KCNIP3: variants seen among roughly 807,000 people sequenced by gnomAD.
KCNIP3 encodes potassium voltage-gated channel interacting protein 3, also known as calsenilin.
Under a neutral mutation model 35.0 loss-of-function variants are expected in KCNIP3, and 28 were observed. The ratio of observed to expected loss-of-function variants is 0.80; its 90% CI spans 0.59 to 1.10. The LOEUF (loss-of-function observed/expected upper bound fraction) is 1.10. Ranked by LOEUF, KCNIP3 falls within the 50% of genes least tolerant of loss-of-function variation. KCNIP3 has a pLI of 0.00. For synonymous variants in KCNIP3, 134 were observed against 133.8 expected (o/e 1.00, Z -0.01); for missense variants, 295 against 338.4 (o/e 0.87, Z 1.01).
intron 2 of KCNIP3, among the ~76,000 whole-genome samples, chr2:95,369,704 C>T (rs1488544249): frequency 1.2e-4 from 18 of 151,868 alleles, no homozygotes; most frequent in Admixed American, 5.9e-4. Flanking sequence ...GACCATGGCT[C>T]ACTGCAGCGT....
chr2:95,332,337 G>A (rs552668341), intron 2 of KCNIP3, among the ~76,000 whole-genome samples: 5 of 152,362 alleles, frequency 3.3e-5, no homozygotes, highest in South Asian at 2.1e-4. Context: ...AGTCTGGCCC[G>A]CCTTGGTGGC....
intron 2 of KCNIP3, among the ~76,000 whole-genome samples, chr2:95,367,665 C>A (rs1679947774): frequency 6.6e-6 from 1 of 150,900 alleles, no homozygotes. Flanking sequence ...TAAGTTCTGT[C>A]TTTTTATTTG....
chr2:95,383,660 C>T (rs1415333330), intron 8 of KCNIP3, among the ~76,000 whole-genome samples: 2 of 152,218 alleles, frequency 1.3e-5, no homozygotes, highest in East Asian at 1.9e-4. Flanking sequence ...CCAGAGAGCA[C>T]CTCAGGGGGC....
chr2:95,383,242 G>A lies in KCNIP3; in HGVS notation c.671G>A (p.Arg224Gln), dbSNP rs747207327. ...HVERFFEKMDRNQDGVVTIEE... is the reference protein window; with the variant it reads ...HVERFFEKMDQNQDGVVTIEE... The stretch of plus-strand genomic sequence containing the variant: ...TGGCTTGGGTTGCAGAAAATGGACC[G>A]GAACCAGGATGGGGTAGTGACCATT... The change falls in exon 8 of 9, where the codon CGG becomes CAG. Residue 224 changes from arginine to glutamine, a missense_variant. Coordinates refer to ENST00000295225, the MANE Select transcript of KCNIP3 (RefSeq NM_013434.5). 33 of 1,611,302 alleles carry A rather than the reference G, an allele frequency of 2.0e-5. No homozygotes were observed. Among genetic ancestry groups the A allele is most frequent in the Non-Finnish European group, 2.5e-5 (30 of 1,178,244 alleles).
chr2:95,330,612 G>A (rs1470382839), intron 2 of KCNIP3, among the ~76,000 whole-genome samples: 1 of 152,238 alleles, frequency 6.6e-6, no homozygotes, highest in Non-Finnish European at 1.5e-5. Flanking sequence ...AGGGGCGTGA[G>A]AGGACAGGCA....
At chr2:95,325,857 TCA>T (rs58125845) in intron 2 of KCNIP3, among the ~76,000 whole-genome samples, 115,120 of 147,484 alleles carry the variant, frequency 0.78, 44,705 homozygotes, top group African/African-American at 0.88. Context: ...ACACATACAC[TCA>T]CAGGCACACA....
intron 2 of KCNIP3, among the ~76,000 whole-genome samples, chr2:95,347,505 G>A (rs1679407272): frequency 6.6e-6 from 1 of 152,364 alleles, no homozygotes; most frequent in Non-Finnish European, 1.5e-5. Flanking sequence ...AGCCGGCGGT[G>A]GGGAGAGATT....
At chr2:95,306,728 G>A (rs1449749720) in intron 1 of KCNIP3, among the ~76,000 whole-genome samples, 1 of 152,180 alleles carries the variant, frequency 6.6e-6, no homozygotes, top group Non-Finnish European at 1.5e-5. Flanking sequence ...CAGGGTTGGG[G>A]CATCTAATTC....
chr2:95,381,757 CCCCTCCCG>C, intron 6 of KCNIP3, 54 bp downstream of exon 6: 1 of 1,166,914 alleles, frequency 8.6e-7, no homozygotes, highest in Non-Finnish European at 1.3e-6. Context: ...TGCTGCTCCA[CCCCTCCCG>C]CCGCTCTTCC....
chr2:95,297,604 G>A (rs372422694), intron 1 of KCNIP3, 151 bp downstream of exon 1: 55 of 690,156 alleles, frequency 8.0e-5, no homozygotes, highest in South Asian at 1.1e-4. Context: ...GCGTTGGGGC[G>A]TCCTGGCTGG....
At chr2:95,380,195 T>C (rs1225733076) in intron 5 of KCNIP3, among the ~76,000 whole-genome samples, 2 of 152,266 alleles carry the variant, frequency 1.3e-5, no homozygotes, top group Non-Finnish European at 2.9e-5. Flanking sequence ...TTATTTTTAA[T>C]TTCCAAGAGC....
intron 1 of KCNIP3, among the ~76,000 whole-genome samples, chr2:95,305,620 C>G (rs936015146): frequency 2.0e-5 from 3 of 152,168 alleles, no homozygotes; most frequent in Non-Finnish European, 2.9e-5. Flanking sequence ...CCCCTCCTGC[C>G]GCCCTGTGAG....
chr2:95,303,742 G>T (rs1019757566), intron 1 of KCNIP3, among the ~76,000 whole-genome samples: 1 of 152,192 alleles, frequency 6.6e-6, no homozygotes, highest in African/African-American at 2.4e-5. Context: ...CAGCTGGGGC[G>T]GCTGTGCCCT....
intron 1 of KCNIP3, among the ~76,000 whole-genome samples, chr2:95,308,242 C>T (rs1678227273): frequency 2.0e-5 from 3 of 152,230 alleles, no homozygotes; most frequent in African/African-American, 4.8e-5. Flanking sequence ...GTCAGTGCCT[C>T]TTCTTGCTGC....
intron 2 of KCNIP3, 144 bp from the exon 3 acceptor site, chr2:95,374,152 T>G: frequency 1.9e-6 from 2 of 1,043,890 alleles, no homozygotes; most frequent in Non-Finnish European, 2.8e-6. Flanking sequence ...CTCTGTGCAG[T>G]GCACAGCCTG....
At chr2:95,333,484 GC>G (rs1678982832) in intron 2 of KCNIP3, among the ~76,000 whole-genome samples, 1 of 152,200 alleles carries the variant, frequency 6.6e-6, no homozygotes, top group Admixed American at 6.5e-5. Flanking sequence ...CCTCACCAGG[GC>G]CCGCCCTCGG....
At position 95,384,813 on chromosome 2, in the gene KCNIP3, C is replaced by G. The variant is rs1454628523; in HGVS notation, c.*764C>G. 2 of 152,634 alleles carry G rather than the reference C, an allele frequency of 1.3e-5. No homozygotes were observed. Among genetic ancestry groups the G allele is most frequent in the African/African-American group, 4.8e-5 (2 of 41,466 alleles). 9.5% of individuals were successfully genotyped at this position (152,634 alleles called of 1,614,324 possible). A position where few individuals can be genotyped will look rare whatever the true frequency, so the allele number is the denominator to read the frequency against. ...TCGTGGTGGAGAATCTGAGGGCACT[C>G]TCTGCCAGCTCCACAGGGTGGGATG... On this transcript the variant is annotated 3_prime_UTR_variant, in exon 9 of 9. Coordinates refer to ENST00000295225, the MANE Select transcript of KCNIP3 (RefSeq NM_013434.5).
intron 2 of KCNIP3, among the ~76,000 whole-genome samples, chr2:95,359,340 C>T (rs577449257): frequency 1.3e-5 from 2 of 152,306 alleles, no homozygotes; most frequent in African/African-American, 2.4e-5. Flanking sequence ...ATAGACATTT[C>T]CATTCAGGGA....
rs535852067 is a variant in KCNIP3 at position 95,316,413 on chromosome 2, C to T, written c.181+5893C>T. On this transcript the variant is annotated intron_variant, in intron 2 of 8. Transcript: ENST00000295225. ...CCTGAACTTGCATATAACAGAAACC[C>T]CAAATAACAGTGGCTTGATCAAGAC... Among the ~76,000 whole-genome samples the T allele has an allele frequency of 2.6e-5, 4 of 152,318 alleles. No individual in the cohort carries two copies. In the South Asian group the frequency reaches 8.3e-4, roughly 32 times the overall value.
Sources: gnomAD v4.1 joint callset for allele counts (sites outside exome capture counted in the v4.1 genomes callset) on GRCh38, gnomAD v4.1.1 for gene constraint, MANE v1.5 for transcripts, NCBI Gene and HGNC (gene_info 2026-07-23, HGNC 2026-07-21) for gene names.